ZNF185: variants seen among roughly 807,000 people sequenced by gnomAD.
ZNF185 encodes zinc finger protein 185 with LIM domain, also known as zinc finger protein 185.
A neutral mutation model predicts 58.6 loss-of-function variants in ZNF185; 56 were observed. The ratio of observed to expected loss-of-function variants is 0.95; its 90% CI spans 0.77 to 1.19. The LOEUF (loss-of-function observed/expected upper bound fraction) is 1.19. ZNF185 is among the 50% of genes most tolerant of loss of function. The pLI is 0.00. For synonymous variants in ZNF185, 230 were observed against 215.9 expected (o/e 1.07, Z -0.57); for missense variants, 627 against 573.5 (o/e 1.09, Z -0.95).
At chrX:152,904,325 C>G in the ZNF185 span, among the ~76,000 whole-genome samples, 1 of 112,372 alleles carries the variant, frequency 8.9e-6, no homozygotes, top group African/African-American at 3.2e-5. Context: ...AGTGCCCCAT[C>G]CCCCTGGATC....
At chrX:152,909,971 G>A (rs1425401496), upstream of ZNF185, among the ~76,000 whole-genome samples, 3 of 103,209 alleles carry the variant, frequency 2.9e-5, no homozygotes, top group Non-Finnish European at 5.9e-5. Context: ...GTAGTGATGC[G>A]ATCTCAGCTC....
intron 13 of ZNF185, among the ~76,000 whole-genome samples, chrX:152,932,519 G>C (rs1331337312): frequency 1.8e-5 from 2 of 111,519 alleles, no homozygotes; most frequent in Non-Finnish European, 3.8e-5. Flanking sequence ...GATCCCTGGA[G>C]CCCCTAGCTG....
At chrX:152,957,727 C>T (rs781806948) in intron 16 of ZNF185, among the ~76,000 whole-genome samples, 1 of 112,477 alleles carries the variant, frequency 8.9e-6, no homozygotes, top group South Asian at 3.7e-4. Flanking sequence ...CTTATGGGGG[C>T]CCAAGCCCAT....
chrX:152,955,774 C>T (rs1453932523), intron 16 of ZNF185, among the ~76,000 whole-genome samples: 2 of 110,486 alleles, frequency 1.8e-5, no homozygotes, highest in Non-Finnish European at 3.8e-5. Context: ...CGGTGGCATG[C>T]GCCTGTAATC....
chrX:152,948,185 G>C (rs1466640648), intron 16 of ZNF185, among the ~76,000 whole-genome samples: 5 of 111,563 alleles, frequency 4.5e-5, no homozygotes, highest in African/African-American at 1.6e-4. Context: ...ATCAGATTTG[G>C]CTATGTAGAA....
intron 14 of ZNF185, among the ~76,000 whole-genome samples, 170 bp from the exon 16 acceptor site, chrX:152,936,248 A>G (rs1366437780): frequency 6.2e-5 from 7 of 112,774 alleles, no homozygotes; most frequent in Non-Finnish European, 1.3e-4. Flanking sequence ...TATGCCACAG[A>G]GCCCCAGGTG....
At chrX:152,903,191 C>G in the ZNF185 span, among the ~76,000 whole-genome samples, 38 of 108,897 alleles carry the variant, frequency 3.5e-4, no homozygotes, top group Non-Finnish European at 6.9e-4. Flanking sequence ...GAGTTCGAGA[C>G]CAGCCTGGCC....
chrX:152,917,435 C>T, intron 5 of ZNF185, 73 bp downstream of exon 6: 3 of 1,096,695 alleles, frequency 2.7e-6, no homozygotes, highest in Non-Finnish European at 3.8e-6. Flanking sequence ...CTGGCAGAGA[C>T]AGTGCTCTGC....
intron 14 of ZNF185, 31 bp downstream of exon 16, chrX:152,936,544 A>C: frequency 8.8e-7 from 1 of 1,130,613 alleles, no homozygotes; most frequent in Non-Finnish European, 1.2e-6. Context: ...CTAGTGCCCT[A>C]TCCCATTGCC....
intron 20 of ZNF185, among the ~76,000 whole-genome samples, chrX:152,968,896 C>G (rs190014043): frequency 1.8e-5 from 2 of 111,827 alleles, no homozygotes; most frequent in African/African-American, 6.5e-5. Flanking sequence ...TGAGTAGGCT[C>G]TACAGACAGA....
chrX:152,964,093 G>A, intron 18 of ZNF185, 144 bp downstream of exon 20: 2 of 522,767 alleles, frequency 3.8e-6, no homozygotes, highest in Non-Finnish European at 6.4e-6. Context: ...GGGCCACACA[G>A]GACAGTGTTA....
exon 17 of ZNF185, chrX:152,959,700 G>T (rs782716041): frequency 1.3e-5 from 16 of 1,210,201 alleles, no homozygotes; most frequent in Non-Finnish European, 1.8e-5. Context: ...CTTCCTCAGC[G>T]TGTTGACTGA....
chrX:152,906,186 C>A, the ZNF185 span, among the ~76,000 whole-genome samples: 24 of 112,641 alleles, frequency 2.1e-4, 1 homozygote, highest in East Asian at 6.7e-3. Context: ...GCATGAGCCC[C>A]AGCAGGTATC....
chrX:152,969,015 TC>T (rs1367227403), intron 20 of ZNF185, among the ~76,000 whole-genome samples: 2 of 111,524 alleles, frequency 1.8e-5, no homozygotes, highest in African/African-American at 3.3e-5. Context: ...ATGACATGTC[TC>T]CTGTAGGAGA....
intron 11 of ZNF185, among the ~76,000 whole-genome samples, chrX:152,927,398 G>A (rs1556873373): frequency 9.0e-6 from 1 of 111,159 alleles, no homozygotes; most frequent in Non-Finnish European, 1.9e-5. Flanking sequence ...GGACAGAGAT[G>A]AGCAGCCCGC....
At chrX:152,963,781 C>T in intron 17 of ZNF185, 58 bp from the exon 20 acceptor site, 5 of 1,076,674 alleles carry the variant, frequency 4.6e-6, no homozygotes, top group Non-Finnish European at 6.4e-6. Context: ...GCCTGTTTGA[C>T]CCTGGAAGGT....
At chrX:152,906,736 G>A in the ZNF185 span, among the ~76,000 whole-genome samples, 3 of 111,245 alleles carry the variant, frequency 2.7e-5, no homozygotes, top group Admixed American at 2.9e-4. Context: ...TGGATGCAAA[G>A]CATCCCAATT....
chrX:152,936,759 C>T (rs1473929205), intron 14 of ZNF185, among the ~76,000 whole-genome samples: 1 of 110,359 alleles, frequency 9.1e-6, no homozygotes, highest in Non-Finnish European at 1.9e-5. Flanking sequence ...TGGACCCAAG[C>T]TGAGGTGGCA....
chrX:152,961,981 C>A (rs781793780), intron 17 of ZNF185, among the ~76,000 whole-genome samples: 46 of 111,930 alleles, frequency 4.1e-4, no homozygotes, highest in Non-Finnish European at 7.0e-4. Flanking sequence ...GGAAAGAAAC[C>A]AGGTGCTCTG....
Sources: allele counts gnomAD v4.1 joint callset (sites outside exome capture counted in the v4.1 genomes callset), GRCh38; gene constraint gnomAD v4.1.1; transcripts MANE v1.5; gene names NCBI Gene and HGNC (gene_info 2026-07-23, HGNC 2026-07-21).